NAV2: variants seen among roughly 807,000 people sequenced by gnomAD.
NAV2 encodes neuron navigator 2.
NAV2 carries 54 observed loss-of-function variants against 223.2 expected under a neutral mutation model. That is an observed-to-expected ratio of 0.24 (90% confidence interval 0.19 to 0.30). The LOEUF (loss-of-function observed/expected upper bound fraction) is 0.30. NAV2 is among the 10% of genes least tolerant of loss of function. The pLI, the probability that NAV2 is intolerant of heterozygous loss-of-function variation, is 1.00. For synonymous variants in NAV2, 1,279 were observed against 1,239.3 expected, an observed-to-expected ratio of 1.03 and a Z score of -0.67; for missense variants, 2,806 against 3,147.5, an observed-to-expected ratio of 0.89 and a Z score of 2.60.
intron 1 of NAV2, among the ~76,000 whole-genome samples, chr11:19,616,805 C>T (rs1464535752): frequency 3.3e-5 from 5 of 152,038 alleles, no homozygotes; most frequent in Non-Finnish European, 5.9e-5. Context: ...TTTCAGTCCT[C>T]AGAATAGGTT....
chr11:19,463,746 G>T (rs751545859), intron 1 of NAV2, among the ~76,000 whole-genome samples: 1 of 152,154 alleles, frequency 6.6e-6, no homozygotes, highest in Non-Finnish European at 1.5e-5. Flanking sequence ...GGCAATCCAG[G>T]CAGGGAATAC....
At chr11:20,101,643 G>C (rs1342049444) in intron 32 of NAV2, among the ~76,000 whole-genome samples, 2 of 152,188 alleles carry the variant, frequency 1.3e-5, no homozygotes, top group Non-Finnish European at 2.9e-5. Flanking sequence ...AGGAAACAGA[G>C]GCTTGAAGCA....
At chr11:19,760,831 G>A (rs959815756) in intron 1 of NAV2, among the ~76,000 whole-genome samples, 3 of 152,098 alleles carry the variant, frequency 2.0e-5, no homozygotes, top group Non-Finnish European at 4.4e-5. Flanking sequence ...AAATAGTAAC[G>A]AATCAGCAGC....
At chr11:19,943,208 TAC>T (rs1425425561) in intron 8 of NAV2, among the ~76,000 whole-genome samples, 2 of 152,224 alleles carry the variant, frequency 1.3e-5, no homozygotes, top group South Asian at 4.1e-4. Context: ...CAGGCTTATA[TAC>T]ATAAAATGTG....
intron 32 of NAV2, among the ~76,000 whole-genome samples, chr11:20,102,783 G>T (rs1159577148): frequency 1.3e-5 from 2 of 152,112 alleles, no homozygotes; most frequent in Non-Finnish European, 1.5e-5. Flanking sequence ...CGTTCTCCAA[G>T]GTTAAATACA....
At position 19,379,484 on chromosome 11, in the gene NAV2, T is replaced by C. The variant is rs148717034; in HGVS notation, c.75+28457T>C. On this transcript the variant is annotated intron_variant, in intron 1 of 37. Transcript: ENST00000360655. ...ATACTTGCTTCACTGGAAAATGTCC[T>C]TCTTCTGTCCATTTCCTAGTTATGT... 4.0e-3 allele frequency among the ~76,000 whole-genome samples: 610 copies of C among 152,086 alleles called. 7 individuals are homozygous for C. Among genetic ancestry groups the C allele is most frequent in the Middle Eastern group, 0.014 (4 of 292 alleles).
chr11:20,022,014 C>T (rs940939951), intron 11 of NAV2, among the ~76,000 whole-genome samples: 11 of 152,212 alleles, frequency 7.2e-5, no homozygotes, highest in African/African-American at 2.4e-4. Context: ...AGGGCCACAA[C>T]CCCCGCTCCC....
chr11:19,763,138 A>G lies in NAV2; in HGVS notation c.267+49176A>G, dbSNP rs530444196. Among the ~76,000 whole-genome samples, 24 of 152,300 alleles carry G rather than the reference A, an allele frequency of 1.6e-4. No individual in the cohort carries two copies. The South Asian group carries it at 5.0e-3, about 32-fold the overall frequency. ...GTATCTGGACCGCAGTAGATATGTG[A>G]TATGTATTTGTTGGAGAAATGAAGG... On this transcript the variant is annotated intron_variant, in intron 1 of 37. Transcript: ENST00000349880.
At chr11:19,520,260 C>T (rs765738832) in intron 1 of NAV2, among the ~76,000 whole-genome samples, 31 of 152,192 alleles carry the variant, frequency 2.0e-4, no homozygotes, top group Admixed American at 1.5e-3. Context: ...AGACAACAGC[C>T]CAGGAGCTGA....
At chr11:20,070,656 T>A in intron 22 of NAV2, among the ~76,000 whole-genome samples, 1 of 152,236 alleles carries the variant, frequency 6.6e-6, no homozygotes, top group Non-Finnish European at 1.5e-5. Context: ...CAAGCTGTGT[T>A]TGTTTTTCTA....
At chr11:19,495,676 T>C (rs935574687) in intron 1 of NAV2, among the ~76,000 whole-genome samples, 1 of 152,158 alleles carries the variant, frequency 6.6e-6, no homozygotes, top group Admixed American at 6.5e-5. Flanking sequence ...CCTAAATGCA[T>C]GGATGAGAGA....
At chr11:19,810,515 C>T (rs2058787268) in intron 1 of NAV2, among the ~76,000 whole-genome samples, 1 of 152,152 alleles carries the variant, frequency 6.6e-6, no homozygotes, top group South Asian at 2.1e-4. Context: ...CTACGAATAT[C>T]CTATCTAGAT....
At chr11:20,051,637 T>C (rs1199082253) in intron 17 of NAV2, among the ~76,000 whole-genome samples, 2 of 152,232 alleles carry the variant, frequency 1.3e-5, no homozygotes, top group African/African-American at 4.8e-5. Context: ...ATGGGTTTAA[T>C]TTCTGAGCAC....
intron 1 of NAV2, chr11:19,777,567 AC>A (rs1555046665): frequency 6.7e-6 from 3 of 448,340 alleles, no homozygotes; most frequent in African/African-American, 2.1e-5. Flanking sequence ...CTACTTTTTA[AC>A]CCCCCACCCC....
chr11:19,701,201 G>T (rs2049502683), intron 1 of NAV2, among the ~76,000 whole-genome samples: 3 of 152,128 alleles, frequency 2.0e-5, no homozygotes, highest in Admixed American at 2.0e-4. Flanking sequence ...TATCTAAGGG[G>T]TTGGGGGTTG....
intron 1 of NAV2, among the ~76,000 whole-genome samples, chr11:19,455,355 A>G (rs1407875621): frequency 1.3e-5 from 2 of 152,220 alleles, no homozygotes; most frequent in African/African-American, 2.4e-5. Context: ...ACCTAGAACC[A>G]CAAGTAGTAT....
chr11:19,749,516 T>A (rs967855523), intron 1 of NAV2, among the ~76,000 whole-genome samples: 1 of 152,232 alleles, frequency 6.6e-6, no homozygotes, highest in Non-Finnish European at 1.5e-5. Context: ...AACACATCCT[T>A]TAACTTCCCC....
At chr11:19,907,233 A>G (rs2042938793) in intron 6 of NAV2, among the ~76,000 whole-genome samples, 1 of 152,192 alleles carries the variant, frequency 6.6e-6, no homozygotes, top group African/African-American at 2.4e-5. Context: ...CTGAACTGAG[A>G]ACCTCAGAGA....
intron 1 of NAV2, among the ~76,000 whole-genome samples, chr11:19,427,572 T>C (rs1415996660): frequency 6.6e-6 from 1 of 152,228 alleles, no homozygotes; most frequent in African/African-American, 2.4e-5. Context: ...TGAAGTCAAA[T>C]GGCTTCCTGG....
Sources: allele counts gnomAD v4.1 joint callset (sites outside exome capture counted in the v4.1 genomes callset), GRCh38; gene constraint gnomAD v4.1.1; transcripts MANE v1.5; gene names NCBI Gene and HGNC (gene_info 2026-07-23, HGNC 2026-07-21).